The following UBE2D1 variants were observed in gnomAD, a reference collection of about 807,000 sequenced individuals.
The protein encoded by UBE2D1 is ubiquitin-conjugating enzyme E2 D1.
UBE2D1 carries 9 observed loss-of-function variants against 24.6 expected under a neutral mutation model. The ratio of observed to expected loss-of-function variants is 0.37; its 90% CI spans 0.22 to 0.64. The LOEUF is 0.64. Among genes scored for constraint, UBE2D1 ranks in the 30% least tolerant of loss-of-function variants. The pLI is 0.64. For missense variants in UBE2D1, 87 were observed against 177.1 expected (o/e 0.49, Z 2.89); for synonymous variants, 57 against 57.6 (o/e 0.99, Z 0.04).
intron 1 of UBE2D1, chr10:58,360,891 C>T (rs533301756): frequency 3.2e-5 from 14 of 435,474 alleles, no homozygotes; most frequent in South Asian, 1.8e-4. Context: ...CACTGCACTC[C>T]ATCCTGGGCG....
chr10:58,366,869 A>G (rs1292369093), intron 5 of UBE2D1, among the ~76,000 whole-genome samples: 1 of 151,996 alleles, frequency 6.6e-6, no homozygotes, highest in Non-Finnish European at 1.5e-5. Flanking sequence ...GGCACATACC[A>G]CCATTGCCTG....
chr10:58,353,365 G>A (rs1840097959), intron 1 of UBE2D1, among the ~76,000 whole-genome samples: 1 of 152,152 alleles, frequency 6.6e-6, no homozygotes, highest in Non-Finnish European at 1.5e-5. Flanking sequence ...CCACGCCACA[G>A]ACTGCAGCTT....
chr10:58,346,683 G>A (rs16912160), intron 1 of UBE2D1, among the ~76,000 whole-genome samples: 7,400 of 152,208 alleles, frequency 0.049, 350 homozygotes, highest in African/African-American at 0.12. Flanking sequence ...AAGAAGTCAC[G>A]TCTTGGAAGG....
intron 4 of UBE2D1, among the ~76,000 whole-genome samples, chr10:58,363,895 G>A (rs191069018): frequency 6.1e-4 from 93 of 152,202 alleles, no homozygotes; most frequent in African/African-American, 2.2e-3. Flanking sequence ...GTCAGTACGT[G>A]TCATGCTATA....
intron 5 of UBE2D1, among the ~76,000 whole-genome samples, chr10:58,366,344 C>T (rs1461243201): frequency 6.6e-6 from 1 of 152,116 alleles, no homozygotes; most frequent in East Asian, 1.9e-4. Flanking sequence ...TATAGTGTTA[C>T]CATACAGGGT....
chr10:58,358,134 A>G lies in UBE2D1; in HGVS notation c.25-3204A>G, dbSNP rs562200619. Among the ~76,000 whole-genome samples the G allele has an allele frequency of 1.6e-4, 24 of 152,232 alleles. No homozygotes were observed. The South Asian group carries it at 4.8e-3, about 30-fold the overall frequency. On this transcript the variant is annotated intron_variant, in intron 1 of 6. Transcript: ENST00000373910. ...CTGTTCCAACTAAAATAAGGTTTTC[A>G]TTTTTCTTGTTAATAAAGAAAATCA... is the stretch of plus-strand genomic sequence containing the variant.
intron 5 of UBE2D1, among the ~76,000 whole-genome samples, chr10:58,367,229 T>C (rs1231076974): frequency 1.3e-5 from 2 of 151,960 alleles, no homozygotes; most frequent in African/African-American, 4.8e-5. Flanking sequence ...TCAGAAGTGG[T>C]GGCATGCAAT....
At chr10:58,346,034 G>A (rs1450301811) in intron 1 of UBE2D1, among the ~76,000 whole-genome samples, 2 of 148,664 alleles carry the variant, frequency 1.3e-5, no homozygotes, top group African/African-American at 2.5e-5. Context: ...TTTTTTAGAC[G>A]GAGTCTCACT....
intron 5 of UBE2D1, 117 bp downstream of exon 5, chr10:58,364,993 G>T (rs1840239773): frequency 2.4e-6 from 2 of 823,612 alleles, no homozygotes; most frequent in Non-Finnish European, 3.7e-6. Flanking sequence ...CTCCTGTTTT[G>T]ATTTTGTTTT....
intron 1 of UBE2D1, 21 bp downstream of exon 1, chr10:58,335,246 TG>T: frequency 6.6e-7 from 1 of 1,524,836 alleles, no homozygotes. Flanking sequence ...GGGCCGGGCC[TG>T]GGGCTGCGGG....
intron 1 of UBE2D1, chr10:58,360,988 G>T: frequency 2.2e-6 from 1 of 454,476 alleles, no homozygotes; most frequent in African/African-American, 2.0e-5. Context: ...TCAATAGATT[G>T]TAACCTGTTA....
chr10:58,361,313 C>G (rs1281116379), intron 1 of UBE2D1, 25 bp from the exon 2 acceptor site: 2 of 1,612,286 alleles, frequency 1.2e-6, no homozygotes, highest in East Asian at 2.2e-5. Context: ...AGGAATTAAC[C>G]TTACATATTT....
intron 1 of UBE2D1, among the ~76,000 whole-genome samples, chr10:58,360,411 T>C (rs945395169): frequency 1.3e-5 from 2 of 150,700 alleles, no homozygotes; most frequent in African/African-American, 4.9e-5. Context: ...CTATTAGAAC[T>C]GGAATTCTCT....
intron 3 of UBE2D1, among the ~76,000 whole-genome samples, chr10:58,362,586 C>A (rs1840212164): frequency 6.6e-6 from 1 of 152,052 alleles, no homozygotes; most frequent in Non-Finnish European, 1.5e-5. Flanking sequence ...TTAGGTGAAT[C>A]ACATGTAACA....
At position 58,367,769 on chromosome 10, in the gene UBE2D1, A is replaced by C. The variant is rs974491399; in HGVS notation, c.305-154A>C. Among the ~76,000 whole-genome samples, 8 of 152,146 alleles carry C rather than the reference A, an allele frequency of 5.3e-5. No homozygotes were observed. In the East Asian group the frequency reaches 1.5e-3, roughly 29 times the overall value. On this transcript the variant is annotated intron_variant, in intron 5 of 6. Coordinates refer to ENST00000373910, the MANE Select transcript of UBE2D1 (RefSeq NM_003338.5). ...TTTAAAAATTAAAGATCAATTTGCT[A>C]TCAACCAAAGTAGAATAAAATATAA... is the stretch of plus-strand genomic sequence containing the variant.
chr10:58,365,942 A>AAAT (rs1383192459), intron 5 of UBE2D1, among the ~76,000 whole-genome samples: 1 of 152,224 alleles, frequency 6.6e-6, no homozygotes, highest in Non-Finnish European at 1.5e-5. Context: ...AATATTAGAT[A>AAAT]AATAATAGCT....
chr10:58,340,926 A>C (rs1839955401), intron 1 of UBE2D1, among the ~76,000 whole-genome samples: 3 of 152,208 alleles, frequency 2.0e-5, no homozygotes, highest in Admixed American at 6.5e-5. Flanking sequence ...AGTGCTTTGC[A>C]AACTGGAATG....
rs1014343474 is a variant in UBE2D1, at chr10:58,370,152, A to C, written c.*1387A>C. 2.6e-5 allele frequency: 4 copies of C among 151,892 alleles called. No individual in the cohort carries two copies. Among genetic ancestry groups the C allele is most frequent in the Admixed American group, 6.6e-5 (1 of 15,242 alleles). 9.4% of individuals were successfully genotyped at this position (151,892 alleles called of 1,614,324 possible). On this transcript the variant is annotated 3_prime_UTR_variant, in exon 7 of 7. Coordinates refer to ENST00000373910, the MANE Select transcript of UBE2D1 (RefSeq NM_003338.5). ...GAAAAGTGATTTAAATAAGCAGGTT[A>C]TCTTTATAGATTTTAAAGAAAACTA... is the stretch of plus-strand genomic sequence containing the variant.
intron 1 of UBE2D1, among the ~76,000 whole-genome samples, chr10:58,341,463 TTTGTCC>T (rs1839960826): frequency 6.6e-6 from 1 of 152,174 alleles, no homozygotes; most frequent in African/African-American, 2.4e-5. Context: ...CAGTCTTTCT[TTTGTCC>T]TTGATACTGT....
Sources: allele counts gnomAD v4.1 joint callset (sites outside exome capture counted in the v4.1 genomes callset), GRCh38; gene constraint gnomAD v4.1.1; transcripts MANE v1.5; gene names NCBI Gene and HGNC (gene_info 2026-07-23, HGNC 2026-07-21).